Variants in GALNT17 observed in about 807,000 individuals in gnomAD.
GALNT17 encodes the protein polypeptide N-acetylgalactosaminyltransferase 17.
GALNT17 carries 29 observed loss-of-function variants against 63.7 expected under a neutral mutation model. That is an observed-to-expected ratio of 0.46 (90% confidence interval 0.34 to 0.62). The LOEUF is 0.62. Ranked by LOEUF, GALNT17 falls within the 20% of genes least tolerant of loss-of-function variation. The pLI, the probability that GALNT17 is intolerant of heterozygous loss-of-function variation, is 0.01. For synonymous variants in GALNT17, 305 were observed against 318.3 expected (o/e 0.96, Z 0.45); for missense variants, 603 against 799.6 (o/e 0.75, Z 2.97).
intron 1 of GALNT17, among the ~76,000 whole-genome samples, chr7:71,224,118 G>A (rs749372896): frequency 9.9e-5 from 15 of 152,082 alleles, no homozygotes; most frequent in African/African-American, 2.2e-4. Flanking sequence ...GCAGTGGTGC[G>A]ATCTCAGCTC....
chr7:71,484,456 C>G (rs556509146), intron 5 of GALNT17, among the ~76,000 whole-genome samples: 11 of 152,198 alleles, frequency 7.2e-5, no homozygotes, highest in African/African-American at 2.4e-4. Flanking sequence ...CTACTGCACT[C>G]CAGTCTGGGT....
chr7:71,522,948 G>T (rs887874989), intron 5 of GALNT17, among the ~76,000 whole-genome samples: 2 of 152,182 alleles, frequency 1.3e-5, no homozygotes, highest in African/African-American at 4.8e-5. Flanking sequence ...GCTCATGGCT[G>T]CCATCCCAGG....
intron 1 of GALNT17, among the ~76,000 whole-genome samples, chr7:71,331,918 A>T (rs532133993): frequency 6.6e-6 from 1 of 152,294 alleles, no homozygotes; most frequent in Admixed American, 6.5e-5. Flanking sequence ...GCCTGGGGTC[A>T]GTCCTTGTGC....
intron 5 of GALNT17, among the ~76,000 whole-genome samples, chr7:71,548,494 A>G (rs1035965094): frequency 2.6e-5 from 4 of 152,276 alleles, no homozygotes; most frequent in Middle Eastern, 3.4e-3. Flanking sequence ...GTAGAAGGTA[A>G]TTGAATCATG....
intron 9 of GALNT17, among the ~76,000 whole-genome samples, chr7:71,686,551 A>AT (rs148609502): frequency 0.95 from 140,655 of 148,438 alleles, 67,002 homozygotes; most frequent in East Asian, 1. Flanking sequence ...AGGCTTTTTT[A>AT]TTTTTTTTTT....
chr7:71,233,423 T>C (rs1433258446), intron 1 of GALNT17, among the ~76,000 whole-genome samples: 2 of 152,198 alleles, frequency 1.3e-5, no homozygotes, highest in African/African-American at 4.8e-5. Flanking sequence ...GAGGGACTCA[T>C]ATCAGCTGAA....
intron 6 of GALNT17, among the ~76,000 whole-genome samples, chr7:71,652,969 T>A (rs1790775280): frequency 2.0e-5 from 3 of 152,008 alleles, no homozygotes; most frequent in Non-Finnish European, 4.4e-5. Flanking sequence ...AGACCTGAAC[T>A]CCCTGATGGC....
rs1462057948 is a variant in GALNT17, at chr7:71,712,244, G to A, written c.*98G>A. The A allele has an allele frequency of 3.6e-5, 54 of 1,511,714 alleles. No homozygotes were observed. The South Asian group carries it at 3.6e-4, about 10-fold the overall frequency. 93.6% of individuals were successfully genotyped at this position (1,511,714 alleles called of 1,614,324 possible). The stretch of plus-strand genomic sequence containing the variant: ...CCTGGCGGAGAGACAGCAAGGGGCC[G>A]GCAGGTGCTCGATGGGCCCCCCAGG... On this transcript the variant is annotated 3_prime_UTR_variant, in exon 11 of 11. Coordinates refer to ENST00000333538, the MANE Select transcript of GALNT17 (RefSeq NM_022479.3).
At chr7:71,565,526 A>G (rs912674566) in intron 5 of GALNT17, among the ~76,000 whole-genome samples, 1 of 118,352 alleles carries the variant, frequency 8.4e-6, no homozygotes, top group African/African-American at 3.3e-5. Context: ...TAGTTAGAGC[A>G]CACTCCCCTG....
chr7:71,179,112 G>A (rs949735034), intron 1 of GALNT17, among the ~76,000 whole-genome samples: 1 of 152,110 alleles, frequency 6.6e-6, no homozygotes, highest in African/African-American at 2.4e-5. Context: ...AAATCCCTAA[G>A]GGAAAGGGAA....
chr7:71,495,082 C>G (rs1306821920), intron 5 of GALNT17, among the ~76,000 whole-genome samples: 4 of 152,044 alleles, frequency 2.6e-5, no homozygotes, highest in Non-Finnish European at 4.4e-5. Context: ...ACCAGCCTGG[C>G]TAACACATAG....
At chr7:71,382,034 C>T (rs1448453850) in intron 2 of GALNT17, among the ~76,000 whole-genome samples, 1 of 151,968 alleles carries the variant, frequency 6.6e-6, no homozygotes. Flanking sequence ...TATGGAGAGT[C>T]CAGTTGGACT....
At chr7:71,693,263 T>C (rs202243385) in intron 9 of GALNT17, among the ~76,000 whole-genome samples, 3,549 of 108,556 alleles carry the variant, frequency 0.033, 72 homozygotes, top group African/African-American at 0.04. Flanking sequence ...CACACACACA[T>C]ACACACACAC....
chr7:71,148,671 A>G lies in GALNT17; in HGVS notation c.238+15631A>G, dbSNP rs545369415. Reference sequence around the variant, plus strand: ...CTGAAGGCTGTGGGCATTCAAACATACATACATAATTGTATTTTGTCTGTT... The same window carrying G: ...CTGAAGGCTGTGGGCATTCAAACATGCATACATAATTGTATTTTGTCTGTT... On this transcript the variant is annotated intron_variant, in intron 1 of 10. Coordinates refer to ENST00000333538, the MANE Select transcript of GALNT17 (RefSeq NM_022479.3). Among the ~76,000 whole-genome samples, 37 of 152,054 alleles carry G rather than the reference A, an allele frequency of 2.4e-4. No homozygotes were observed. In the East Asian group the frequency reaches 7.0e-3, roughly 29 times the overall value.
intron 6 of GALNT17, among the ~76,000 whole-genome samples, chr7:71,597,261 G>A (rs918446354): frequency 1.4e-4 from 22 of 151,818 alleles, no homozygotes; most frequent in Admixed American, 2.6e-4. Context: ...GGATGGTCTC[G>A]ATCTCCTAAC....
At chr7:71,346,897 G>A (rs958484200) in intron 2 of GALNT17, among the ~76,000 whole-genome samples, 5 of 151,824 alleles carry the variant, frequency 3.3e-5, no homozygotes, top group Admixed American at 3.3e-4. Flanking sequence ...CTAGTATGTA[G>A]TGTAATACAG....
intron 5 of GALNT17, among the ~76,000 whole-genome samples, chr7:71,529,951 AAC>A (rs1201842075): frequency 1.3e-5 from 2 of 152,368 alleles, no homozygotes; most frequent in African/African-American, 4.8e-5. Context: ...AGAAAATGTA[AAC>A]ATACTTTTGT....
At chr7:71,540,347 C>T (rs1256179954) in intron 5 of GALNT17, among the ~76,000 whole-genome samples, 1 of 149,846 alleles carries the variant, frequency 6.7e-6, no homozygotes, top group Non-Finnish European at 1.5e-5. Context: ...GAACTCCTGA[C>T]CTCAAGTGAT....
intron 1 of GALNT17, among the ~76,000 whole-genome samples, chr7:71,162,755 A>G (rs187718242): frequency 8.5e-5 from 13 of 152,344 alleles, no homozygotes; most frequent in Admixed American, 2.0e-4. Flanking sequence ...GCAAGTGTGC[A>G]CAGGATGCAC....
Sources: allele counts gnomAD v4.1 joint callset (sites outside exome capture counted in the v4.1 genomes callset), GRCh38; gene constraint gnomAD v4.1.1; transcripts MANE v1.5; gene names NCBI Gene and HGNC (gene_info 2026-07-23, HGNC 2026-07-21).